ETV6: variants seen among roughly 807,000 people sequenced by gnomAD.
The protein encoded by ETV6 is transcription factor ETV6.
Under a neutral mutation model 51.1 loss-of-function variants are expected in ETV6, and 16 were observed. The observed-to-expected ratio is 0.31, with a 90% CI of 0.21 to 0.48. ETV6 has a LOEUF of 0.48. Ranked by LOEUF, ETV6 falls within the 20% of genes least tolerant of loss-of-function variation. The pLI, the probability that ETV6 is intolerant of heterozygous loss-of-function variation, is 0.99. For missense variants in ETV6, 458 were observed against 594.8 expected (o/e 0.77, Z 2.39); for synonymous variants, 240 against 224.1 (o/e 1.07, Z -0.64).
intron 4 of ETV6, among the ~76,000 whole-genome samples, chr12:11,866,499 G>A (rs1263619012): frequency 6.6e-6 from 1 of 152,176 alleles, no homozygotes; most frequent in African/African-American, 2.4e-5. Context: ...TTTTGTTCTA[G>A]GAGGCAATCA....
intron 1 of ETV6, among the ~76,000 whole-genome samples, chr12:11,702,565 C>CA (rs1210184432): frequency 1.3e-5 from 2 of 151,998 alleles, no homozygotes; most frequent in Non-Finnish European, 2.9e-5. Flanking sequence ...AGTATCCCCC[C>CA]CATCCCCACC....
chr12:11,674,876 T>C (rs922516748), intron 1 of ETV6, among the ~76,000 whole-genome samples: 17 of 152,028 alleles, frequency 1.1e-4, no homozygotes, highest in African/African-American at 4.1e-4. Context: ...ATCCACCAAT[T>C]CCCCGCTTCC....
intron 4 of ETV6, among the ~76,000 whole-genome samples, chr12:11,855,654 G>A (rs1173442736): frequency 6.6e-6 from 1 of 152,188 alleles, no homozygotes; most frequent in Non-Finnish European, 1.5e-5. Flanking sequence ...CCTGACTCCA[G>A]GCGATGACAC....
chr12:11,807,954 A>T (rs569286350), intron 2 of ETV6, among the ~76,000 whole-genome samples: 2 of 152,304 alleles, frequency 1.3e-5, no homozygotes, highest in African/African-American at 4.8e-5. Context: ...GTAGGAGCAT[A>T]CGTTTTTGTC....
chr12:11,722,367 G>T (rs1224577651), intron 1 of ETV6, among the ~76,000 whole-genome samples: 1 of 152,156 alleles, frequency 6.6e-6, no homozygotes, highest in Non-Finnish European at 1.5e-5. Context: ...AACTGTAATC[G>T]CTTTGAATAA....
intron 2 of ETV6, among the ~76,000 whole-genome samples, chr12:11,800,633 T>G (rs909795899): frequency 2.6e-5 from 4 of 152,166 alleles, no homozygotes; most frequent in African/African-American, 9.7e-5. Flanking sequence ...GTAATATATA[T>G]CTTTTCATTA....
At chr12:11,663,006 G>A (rs920229975) in intron 1 of ETV6, among the ~76,000 whole-genome samples, 3 of 152,336 alleles carry the variant, frequency 2.0e-5, no homozygotes, top group South Asian at 2.1e-4. Flanking sequence ...AGTTGAGCAT[G>A]CTTAGCACTT....
intron 2 of ETV6, among the ~76,000 whole-genome samples, chr12:11,831,244 G>A (rs1414880918): frequency 6.6e-6 from 1 of 152,178 alleles, no homozygotes; most frequent in African/African-American, 2.4e-5. Flanking sequence ...TGTTTGTTTT[G>A]AAATAGAGTC....
chr12:11,866,618 G>A (rs1946794031), intron 4 of ETV6, among the ~76,000 whole-genome samples: 1 of 152,144 alleles, frequency 6.6e-6, no homozygotes, highest in African/African-American at 2.4e-5. Context: ...TTGTCCTAGG[G>A]TTTTTACTCC....
At chr12:11,811,220 G>A (rs191858749) in intron 2 of ETV6, among the ~76,000 whole-genome samples, 3 of 152,190 alleles carry the variant, frequency 2.0e-5, no homozygotes, top group East Asian at 1.9e-4. Flanking sequence ...CTAGATTACC[G>A]GACTCATTTC....
intron 2 of ETV6, among the ~76,000 whole-genome samples, chr12:11,798,717 C>A (rs1945710259): frequency 6.6e-6 from 1 of 152,088 alleles, no homozygotes; most frequent in Non-Finnish European, 1.5e-5. Context: ...TTGAAGTTGG[C>A]CCCCAAAAAG....
intron 2 of ETV6, among the ~76,000 whole-genome samples, chr12:11,763,991 G>C (rs766595071): frequency 3.9e-5 from 6 of 152,204 alleles, no homozygotes; most frequent in Admixed American, 1.3e-4. Context: ...AGAGTGCTTT[G>C]AACATAAATA....
At chr12:11,823,826 G>A (rs1189620199) in intron 2 of ETV6, among the ~76,000 whole-genome samples, 1 of 152,010 alleles carries the variant, frequency 6.6e-6, no homozygotes. Flanking sequence ...TCTTTCGGTG[G>A]GAGAAGCCAT....
intron 2 of ETV6, among the ~76,000 whole-genome samples, chr12:11,778,616 C>T (rs1425357180): frequency 1.3e-5 from 2 of 152,110 alleles, no homozygotes; most frequent in Non-Finnish European, 2.9e-5. Flanking sequence ...CCCAACTCTG[C>T]CTGAAACTTT....
rs1247649954 is a variant in ETV6, at chr12:11,649,966, C to G, written c.-162C>G. On this transcript the variant is annotated 5_prime_UTR_variant, in exon 1 of 8. Coordinates refer to ENST00000396373, the MANE Select transcript of ETV6 (RefSeq NM_001987.5). ...CCCAACTCCGCCGGCCGCCCCGCCCCGCCCCGCGCGCTCCAGACCCCCGGG... is the reference window on the plus strand; with the variant it reads ...CCCAACTCCGCCGGCCGCCCCGCCCGGCCCCGCGCGCTCCAGACCCCCGGG... 1 of 495,832 alleles carries G rather than the reference C, an allele frequency of 2.0e-6. No individual in the cohort carries two copies. Among genetic ancestry groups the G allele is most frequent in the Middle Eastern group, 5.6e-4 (1 of 1,776 alleles). 30.7% of individuals were successfully genotyped at this position (495,832 alleles called of 1,614,324 possible). A position where few individuals can be genotyped will look rare whatever the true frequency, so the allele number is the denominator to read the frequency against.
At chr12:11,659,003 A>G (rs1864051153) in intron 1 of ETV6, among the ~76,000 whole-genome samples, 1 of 152,212 alleles carries the variant, frequency 6.6e-6, no homozygotes, top group Non-Finnish European at 1.5e-5. Flanking sequence ...CTTGAAAGAG[A>G]GCATCAATTC....
chr12:11,653,937 C>A (rs1863953788), intron 1 of ETV6, among the ~76,000 whole-genome samples: 1 of 152,024 alleles, frequency 6.6e-6, no homozygotes, highest in Non-Finnish European at 1.5e-5. Flanking sequence ...CTCAGCCTCC[C>A]AAGTAGTTGG....
chr12:11,884,317 AAGTT>A (rs1360409225), intron 5 of ETV6, 124 bp from the exon 6 acceptor site: 25 of 1,027,118 alleles, frequency 2.4e-5, no homozygotes, highest in South Asian at 1.0e-4. Context: ...TAAAACAAGG[AAGTT>A]AGTTAGACAA....
intron 2 of ETV6, among the ~76,000 whole-genome samples, chr12:11,758,594 C>T (rs1170389737): frequency 1.3e-5 from 2 of 152,236 alleles, no homozygotes; most frequent in Admixed American, 6.5e-5. Flanking sequence ...CCACATGTCT[C>T]TCCCTCAGTC....
Sources: gnomAD v4.1 joint callset for allele counts (sites outside exome capture counted in the v4.1 genomes callset) on GRCh38, gnomAD v4.1.1 for gene constraint, MANE v1.5 for transcripts, NCBI Gene and HGNC (gene_info 2026-07-23, HGNC 2026-07-21) for gene names.